Variants in ANKS1B observed in about 807,000 individuals in gnomAD.
The protein encoded by ANKS1B is ankyrin repeat and sterile alpha motif domain containing 1B, also known as ankyrin repeat and sterile alpha motif domain-containing protein 1B.
ANKS1B carries 36 observed loss-of-function variants against 148.3 expected under a neutral mutation model. That is an observed-to-expected ratio of 0.24 (90% CI 0.19 to 0.32). The LOEUF (loss-of-function observed/expected upper bound fraction) is 0.32. Among genes scored for constraint, ANKS1B ranks in the 10% least tolerant of loss-of-function variants. The pLI, the probability that ANKS1B is intolerant of heterozygous loss-of-function variation, is 1.00. For synonymous variants in ANKS1B, 542 were observed against 560.8 expected (o/e 0.97, Z 0.47); for missense variants, 1,157 against 1,542.6 (o/e 0.75, Z 4.19).
At chr12:99,234,653 T>A (rs554355028) in intron 14 of ANKS1B, among the ~76,000 whole-genome samples, 6 of 152,252 alleles carry the variant, frequency 3.9e-5, no homozygotes, top group African/African-American at 1.2e-4. Flanking sequence ...ATCTCTACAC[T>A]CATCCTCTAT....
At chr12:98,912,879 C>T (rs2099788641) in intron 17 of ANKS1B, among the ~76,000 whole-genome samples, 1 of 152,158 alleles carries the variant, frequency 6.6e-6, no homozygotes, top group African/African-American at 2.4e-5. Context: ...ATTTGCACAA[C>T]TTTAGATGGA....
chr12:99,663,289 A>G (rs2098486712), intron 8 of ANKS1B, among the ~76,000 whole-genome samples: 1 of 152,142 alleles, frequency 6.6e-6, no homozygotes, highest in Non-Finnish European at 1.5e-5. Context: ...CACATGCCAC[A>G]GTTGAATATA....
intron 12 of ANKS1B, among the ~76,000 whole-genome samples, chr12:99,324,860 G>A (rs1379915080): frequency 6.6e-6 from 1 of 152,020 alleles, no homozygotes; most frequent in Non-Finnish European, 1.5e-5. Context: ...CTGTTATGTG[G>A]TCCTAACACC....
At chr12:99,242,647 A>C (rs2089556497) in intron 14 of ANKS1B, among the ~76,000 whole-genome samples, 1 of 152,242 alleles carries the variant, frequency 6.6e-6, no homozygotes, top group African/African-American at 2.4e-5. Context: ...AAATTATTCT[A>C]CAAGGCTACA....
intron 8 of ANKS1B, among the ~76,000 whole-genome samples, chr12:99,745,796 T>C (rs1403711664): frequency 6.6e-6 from 1 of 152,028 alleles, no homozygotes; most frequent in African/African-American, 2.4e-5. Flanking sequence ...AAATATAAAT[T>C]CACCTTTCAT....
chr12:99,801,361 T>C (rs1393234733), intron 4 of ANKS1B, among the ~76,000 whole-genome samples: 1 of 152,126 alleles, frequency 6.6e-6, no homozygotes, highest in Non-Finnish European at 1.5e-5. Flanking sequence ...AAGACAGTCG[T>C]ATCTCAGAGG....
intron 17 of ANKS1B, among the ~76,000 whole-genome samples, chr12:98,942,121 A>C (rs2099837749): frequency 6.6e-6 from 1 of 151,796 alleles, no homozygotes; most frequent in Non-Finnish European, 1.5e-5. Flanking sequence ...TGTGCCTGTA[A>C]TCCCAGCTAC....
intron 8 of ANKS1B, among the ~76,000 whole-genome samples, chr12:99,735,495 C>G (rs1478654995): frequency 6.6e-6 from 1 of 151,938 alleles, no homozygotes; most frequent in African/African-American, 2.4e-5. Flanking sequence ...TATACATAAA[C>G]AAACTGGAAA....
intron 12 of ANKS1B, among the ~76,000 whole-genome samples, chr12:99,261,108 C>T (rs1473501363): frequency 6.6e-6 from 1 of 152,114 alleles, no homozygotes; most frequent in Non-Finnish European, 1.5e-5. Flanking sequence ...AAAGAAAAGT[C>T]TCTTAAATGC....
chr12:98,897,081 A>G (rs1357146233), intron 17 of ANKS1B, among the ~76,000 whole-genome samples: 1 of 152,204 alleles, frequency 6.6e-6, no homozygotes, highest in Non-Finnish European at 1.5e-5. Context: ...CACTACCTCT[A>G]GAGAATGATG....
rs117739576 is a variant in ANKS1B, at chr12:99,870,313, C to T, written c.135-44924G>A. On this transcript the variant is annotated intron_variant, in intron 1 of 26. Coordinates refer to ENST00000683438, the MANE Select transcript of ANKS1B (RefSeq NM_001352186.2). ...GCTGTATAGTATTCCACTGTATATA[C>T]GTATATTTTCTTTATCCAATCCACC... is the stretch of plus-strand genomic sequence containing the variant. 8.1e-3 allele frequency among the ~76,000 whole-genome samples: 1,234 copies of T among 152,184 alleles called. 5 individuals are homozygous for T. The highest frequency in any genetic ancestry group is 0.013 in the Non-Finnish European group (913 of 68,000).
intron 17 of ANKS1B, 127 bp downstream of exon 17, chr12:99,053,030 T>A: frequency 1.2e-6 from 1 of 823,634 alleles, no homozygotes; most frequent in Non-Finnish European, 1.8e-6. Flanking sequence ...TTGAGAGAGA[T>A]CGATATTTAA....
intron 19 of ANKS1B, among the ~76,000 whole-genome samples, chr12:98,814,617 G>A (rs1264892323): frequency 6.6e-6 from 1 of 152,180 alleles, no homozygotes; most frequent in Admixed American, 6.5e-5. Flanking sequence ...ATACCTAGGT[G>A]TCAAAAGGCT....
intron 15 of ANKS1B, chr12:99,097,567 T>C (rs531217464): frequency 6.6e-6 from 1 of 152,316 alleles, no homozygotes; most frequent in South Asian, 2.1e-4. Flanking sequence ...ATAAGGTTGA[T>C]TATAACAACC....
chr12:99,351,515 A>G (rs1229212305), intron 12 of ANKS1B, among the ~76,000 whole-genome samples: 1 of 151,898 alleles, frequency 6.6e-6, no homozygotes, highest in Non-Finnish European at 1.5e-5. Context: ...AATAAGACAG[A>G]CCTGGGTTTG....
At chr12:98,824,582 C>T (rs1381398329) in intron 19 of ANKS1B, among the ~76,000 whole-genome samples, 2 of 152,092 alleles carry the variant, frequency 1.3e-5, no homozygotes, top group African/African-American at 2.4e-5. Context: ...ATTTTAAAGA[C>T]AAAAAAATTG....
chr12:99,323,971 T>C (rs1198520415), intron 12 of ANKS1B, among the ~76,000 whole-genome samples: 3 of 152,202 alleles, frequency 2.0e-5, no homozygotes, highest in Non-Finnish European at 2.9e-5. Context: ...CTTAAGTCTT[T>C]TGTATAGCAC....
chr12:99,508,791 T>C (rs1306618640), intron 9 of ANKS1B, among the ~76,000 whole-genome samples: 1 of 151,942 alleles, frequency 6.6e-6, no homozygotes, highest in African/African-American at 2.4e-5. Flanking sequence ...TATAATTGAA[T>C]CTGTATCTGG....
intron 8 of ANKS1B, among the ~76,000 whole-genome samples, chr12:99,770,453 T>C (rs999130130): frequency 2.0e-5 from 3 of 152,278 alleles, no homozygotes; most frequent in East Asian, 1.9e-4. Flanking sequence ...TGTAAGAGTA[T>C]AATTGAAGCA....
Sources: gnomAD v4.1 joint callset for allele counts (sites outside exome capture counted in the v4.1 genomes callset) on GRCh38, gnomAD v4.1.1 for gene constraint, MANE v1.5 for transcripts, NCBI Gene and HGNC (gene_info 2026-07-23, HGNC 2026-07-21) for gene names.